The following ANK3 variants were observed in gnomAD, a reference collection of about 807,000 sequenced individuals.
The protein encoded by ANK3 is ankyrin 3.
A neutral mutation model predicts 370.9 loss-of-function variants in ANK3; 57 were observed. That is an observed-to-expected ratio of 0.15 (90% CI 0.12 to 0.19). The LOEUF is 0.19. ANK3 is among the 10% of genes least tolerant of loss of function. The pLI, the probability that ANK3 is intolerant of heterozygous loss-of-function variation, is 1.00. For missense variants in ANK3, 4,439 were observed against 5,302.1 expected (o/e 0.84, Z 5.06); for synonymous variants, 1,929 against 1,946.3 (o/e 0.99, Z 0.23).
At chr10:60,593,386 C>A (rs1004391839) in intron 2 of ANK3, among the ~76,000 whole-genome samples, 1 of 152,026 alleles carries the variant, frequency 6.6e-6, no homozygotes, top group African/African-American at 2.4e-5. Context: ...GGATTTCTAC[C>A]CCAGGATATC....
intron 2 of ANK3, among the ~76,000 whole-genome samples, chr10:60,544,128 C>G (rs1176441696): frequency 6.6e-6 from 1 of 152,046 alleles, no homozygotes; most frequent in Non-Finnish European, 1.5e-5. Flanking sequence ...GCAAAATGTA[C>G]TGTATAGAAA....
At chr10:60,559,709 T>C (rs911778239) in intron 2 of ANK3, among the ~76,000 whole-genome samples, 1 of 152,156 alleles carries the variant, frequency 6.6e-6, no homozygotes, top group Non-Finnish European at 1.5e-5. Context: ...CACAAGCCCA[T>C]GATTAAAAAA....
chr10:60,596,456 A>G (rs771361975), intron 2 of ANK3, among the ~76,000 whole-genome samples: 3 of 152,148 alleles, frequency 2.0e-5, no homozygotes, highest in Non-Finnish European at 4.4e-5. Context: ...AGTTGCAGCC[A>G]TTACCTTACT....
intron 2 of ANK3, among the ~76,000 whole-genome samples, chr10:60,421,515 T>G (rs1249704321): frequency 2.0e-5 from 3 of 151,826 alleles, no homozygotes; most frequent in Non-Finnish European, 4.4e-5. Context: ...AGGTTTTGAT[T>G]TCTCAAAGGA....
At chr10:60,303,671 A>T (rs148896718) in intron 1 of ANK3, among the ~76,000 whole-genome samples, 2 of 152,304 alleles carry the variant, frequency 1.3e-5, no homozygotes, top group East Asian at 3.9e-4. Context: ...ATTAAGGAAA[A>T]CAGTATGGGA....
intron 40 of ANK3, chr10:60,060,104 T>A: frequency 1.2e-6 from 1 of 850,782 alleles, no homozygotes. Flanking sequence ...ATGAAAAATG[T>A]ATGATGAATT....
At chr10:60,042,803 G>A in intron 42 of ANK3, 44 bp from the exon 43 acceptor site, 1 of 1,605,236 alleles carries the variant, frequency 6.2e-7, no homozygotes. Context: ...GTGAAACAGT[G>A]TTAGTTATAA....
intron 1 of ANK3, among the ~76,000 whole-genome samples, chr10:60,624,132 C>A (rs891588565): frequency 6.6e-6 from 1 of 152,036 alleles, no homozygotes; most frequent in South Asian, 2.1e-4. Flanking sequence ...GTGAAATACT[C>A]TGTACACCAA....
chr10:60,204,997 A>T (rs1163834931), intron 11 of ANK3, among the ~76,000 whole-genome samples: 4 of 152,104 alleles, frequency 2.6e-5, no homozygotes, highest in Non-Finnish European at 5.9e-5. Flanking sequence ...TAGTCTATGG[A>T]AGTGCCAAGG....
chr10:60,251,194 T>G (rs767492536), intron 7 of ANK3, among the ~76,000 whole-genome samples: 4 of 152,214 alleles, frequency 2.6e-5, no homozygotes, highest in Non-Finnish European at 5.9e-5. Context: ...GAATTTTGTG[T>G]TGTTTTTTCC....
In ANK3 at chr10:60,643,541, T is replaced by TATCTATCC. The variant is rs1462477501; in HGVS notation, c.58-28318_58-28317insGGATAGAT. Among the ~76,000 whole-genome samples, 76 of 143,972 alleles carry TATCTATCC rather than the reference T, an allele frequency of 5.3e-4. 1 individual carries two copies. In the South Asian group the frequency reaches 6.8e-3, roughly 13 times the overall value. 94.5% of individuals were successfully genotyped at this position (143,972 alleles called of 152,430 possible). ...CTATCTATCTATCTATCTATCTATC[T>TATCTATCC]ATCCATCCATCCTATTAGCTCTGTA... On this transcript the variant is annotated intron_variant, in intron 1 of 43. Transcript: ENST00000373827.
chr10:60,367,401 A>G (rs1213137126), intron 1 of ANK3, among the ~76,000 whole-genome samples: 2 of 152,244 alleles, frequency 1.3e-5, no homozygotes, highest in Non-Finnish European at 2.9e-5. Flanking sequence ...ATAGGACTCT[A>G]TGCTTTCTAT....
chr10:60,125,137 T>C (rs1462786672), intron 25 of ANK3, among the ~76,000 whole-genome samples: 1 of 152,214 alleles, frequency 6.6e-6, no homozygotes, highest in Non-Finnish European at 1.5e-5. Flanking sequence ...AAAGGCCTAC[T>C]ATAATAGAAA....
At chr10:60,676,176 A>T (rs865949208) in intron 1 of ANK3, among the ~76,000 whole-genome samples, 1 of 152,186 alleles carries the variant, frequency 6.6e-6, no homozygotes, top group Non-Finnish European at 1.5e-5. Context: ...AAAATAGTTG[A>T]TGTTGCAATT....
At chr10:60,612,210 C>T (rs1039775635) in intron 2 of ANK3, among the ~76,000 whole-genome samples, 2 of 152,082 alleles carry the variant, frequency 1.3e-5, no homozygotes, top group African/African-American at 4.8e-5. Flanking sequence ...TGCCAAGCAG[C>T]AAGTTATCTC....
chr10:60,655,464 AT>A (rs753088996), intron 1 of ANK3, among the ~76,000 whole-genome samples: 419 of 152,096 alleles, frequency 2.8e-3, no homozygotes, highest in Non-Finnish European at 5.2e-3. Context: ...AAAATGAAAA[AT>A]ATTTTAAATA....
chr10:60,493,095 A>AG (rs1198299969), intron 2 of ANK3, among the ~76,000 whole-genome samples: 1 of 148,910 alleles, frequency 6.7e-6, no homozygotes, highest in Non-Finnish European at 1.5e-5. Context: ...AAAAAAAAAA[A>AG]AAAGAAAAGA....
At chr10:60,298,357 C>T (rs1196025976) in intron 1 of ANK3, among the ~76,000 whole-genome samples, 1 of 152,130 alleles carries the variant, frequency 6.6e-6, no homozygotes, top group Non-Finnish European at 1.5e-5. Flanking sequence ...CATGAAAATG[C>T]AATTATCTAC....
chr10:60,088,138 G>A lies in ANK3; in HGVS notation c.3540+9C>T. ...CATACTGAGGGAAACAACTTTTTGT[G>A]AACATTACCTGGAGGCCCACTCGAA... On this transcript the variant is annotated intron_variant, in intron 29 of 43. Coordinates refer to ENST00000280772, the MANE Select transcript of ANK3 (RefSeq NM_020987.5). 6.2e-7 allele frequency: 1 copy of A among 1,613,128 alleles called. No homozygotes were observed. The highest frequency in any genetic ancestry group is 8.5e-7 in the Non-Finnish European group (1 of 1,179,374).
Sources: gnomAD v4.1 joint callset for allele counts (sites outside exome capture counted in the v4.1 genomes callset) on GRCh38, gnomAD v4.1.1 for gene constraint, MANE v1.5 for transcripts, NCBI Gene and HGNC (gene_info 2026-07-23, HGNC 2026-07-21) for gene names.